The following XPO5 variants were observed in gnomAD, a reference collection of about 807,000 sequenced individuals.
XPO5 encodes exportin-5.
Under a neutral mutation model 160.6 loss-of-function variants are expected in XPO5, and 46 were observed. That is an observed-to-expected ratio of 0.29 (90% CI 0.23 to 0.37). The LOEUF (loss-of-function observed/expected upper bound fraction) is 0.37. Ranked by LOEUF, XPO5 falls within the 10% of genes least tolerant of loss-of-function variation. XPO5 has a pLI of 1.00. For synonymous variants in XPO5, 537 were observed against 519.3 expected, an observed-to-expected ratio of 1.03 and a Z score of -0.46; for missense variants, 1,090 against 1,463.9, an observed-to-expected ratio of 0.74 and a Z score of 4.17.
intron 10 of XPO5, 113 bp from the exon 11 acceptor site, chr6:43,560,416 T>C (rs1762358033): frequency 7.6e-7 from 1 of 1,319,804 alleles, no homozygotes; most frequent in African/African-American, 1.5e-5. Flanking sequence ...GTACAATACT[T>C]TGAAGCTGTC....
At position 43,525,989 on chromosome 6, in the gene XPO5, G is replaced by A. The variant is rs1233050996; in HGVS notation, c.2984-68C>T. Reference sequence around the variant, plus strand: ...CAGAGAAGAATATCTTGTTCTGACAGAAGCGCAAAAAACAAAGCAAAGCTG... The same window carrying A: ...CAGAGAAGAATATCTTGTTCTGACAAAAGCGCAAAAAACAAAGCAAAGCTG... On this transcript the variant is annotated intron_variant, in intron 27 of 31. Transcript: ENST00000265351. 29 of 1,572,298 alleles carry A rather than the reference G, an allele frequency of 1.8e-5. 1 individual carries two copies. The Middle Eastern group carries it at 5.5e-4, about 30-fold the overall frequency.
chr6:43,536,758 T>TAAAAAAAAAAAAAAAAAAAAAA (rs1156884252), intron 20 of XPO5, among the ~76,000 whole-genome samples: 2 of 19,100 alleles, frequency 1.0e-4, no homozygotes, highest in African/African-American at 4.9e-4. Flanking sequence ...AGACTCTATC[T>TAAAAAAAAAAAAAAAAAAAAAA]AAAAAAAAAA....
chr6:43,524,010 G>A lies in XPO5; in HGVS notation c.3478-5C>T. Reference sequence around the variant, plus strand: ...GAACTGCTCTCCCAAGGGTTTCTGTGGAAAACAAATGAGAAAGAATTAATG... The same window carrying A: ...GAACTGCTCTCCCAAGGGTTTCTGTAGAAAACAAATGAGAAAGAATTAATG... On this transcript the variant is annotated splice_region_variant and splice_polypyrimidine_tract_variant and intron_variant, in intron 31 of 31. Transcript: ENST00000265351. 1.2e-6 allele frequency: 2 copies of A among 1,611,502 alleles called. No individual in the cohort carries two copies. Among genetic ancestry groups the A allele is most frequent in the African/African-American group, 1.3e-5 (1 of 75,008 alleles).
intron 8 of XPO5, among the ~76,000 whole-genome samples, chr6:43,563,783 A>C (rs1409346429): frequency 6.6e-6 from 1 of 152,212 alleles, no homozygotes; most frequent in Admixed American, 6.5e-5. Context: ...ATACCTGTAG[A>C]AGGCACTTAC....
chr6:43,550,584 C>T (rs1052946301), intron 15 of XPO5, among the ~76,000 whole-genome samples: 28 of 152,210 alleles, frequency 1.8e-4, no homozygotes, highest in Admixed American at 1.8e-3. Context: ...TTCAGTAAGA[C>T]TTCACTTTTA....
At position 43,558,595 on chromosome 6, in the gene XPO5, G is replaced by C; in HGVS notation, c.1222-4C>G. 6.3e-7 allele frequency: 1 copy of C among 1,575,272 alleles called. No individual in the cohort carries two copies. The highest frequency in any genetic ancestry group is 1.4e-5 in the African/African-American group (1 of 73,968). The stretch of plus-strand genomic sequence containing the variant: ...CTGTTTTAGAAGGAAAGCCCATCTG[G>C]AAAAAGAAAGGTAATTGGGGTAGGG... On this transcript the variant is annotated splice_polypyrimidine_tract_variant and splice_region_variant and intron_variant, in intron 11 of 31. Coordinates refer to ENST00000265351, the MANE Select transcript of XPO5 (RefSeq NM_020750.3).
chr6:43,528,691 C>G, intron 24 of XPO5, 137 bp downstream of exon 24: 1 of 779,366 alleles, frequency 1.3e-6, no homozygotes. Flanking sequence ...GGATAGTCAG[C>G]TGGGGTAGAA....
At chr6:43,543,992 A>G (rs1021196719) in intron 20 of XPO5, among the ~76,000 whole-genome samples, 31 of 152,304 alleles carry the variant, frequency 2.0e-4, no homozygotes, top group Admixed American at 1.1e-3. Context: ...AATTTACTAA[A>G]AAAGCAAAAC....
At chr6:43,538,127 C>G (rs1458474430) in intron 20 of XPO5, among the ~76,000 whole-genome samples, 1 of 137,164 alleles carries the variant, frequency 7.3e-6, no homozygotes, top group Non-Finnish European at 1.5e-5. Context: ...AAATTTAGAG[C>G]CTAAGAGACA....
At chr6:43,569,526 G>C (rs1451277902) in intron 5 of XPO5, among the ~76,000 whole-genome samples, 1 of 151,998 alleles carries the variant, frequency 6.6e-6, no homozygotes, top group Non-Finnish European at 1.5e-5. Flanking sequence ...TTGAGGTCAG[G>C]AGTTCAAGAC....
chr6:43,567,538 C>G (rs2127752357), intron 6 of XPO5, among the ~76,000 whole-genome samples, 184 bp from the exon 7 acceptor site: 1 of 152,284 alleles, frequency 6.6e-6, no homozygotes, highest in East Asian at 1.9e-4. Context: ...CATCCAACAA[C>G]AAGACCATAC....
Position 43,558,560 on chromosome 6 carries a change from C to G in XPO5, c.1253G>C (p.Ser418Thr), listed in dbSNP as rs1762236964. Residue 418 changes from serine to threonine, a missense_variant, in exon 12 of 32, where the codon AGC becomes ACC. By Grantham distance (58) the Ser-to-Thr change is moderately conservative. Transcript: ENST00000265351. ...AAAATCAAACCGAGAATATTCACAG[C>G]TAGGGCTGTCTGTTTTAGAAGGAAA... is the stretch of plus-strand genomic sequence containing the variant. Reference protein sequence around the residue: ...MGFPSKTDSPSCEYSRFDFDS... With the variant: ...MGFPSKTDSPTCEYSRFDFDS... 3.7e-6 allele frequency: 6 copies of G among 1,600,486 alleles called. No homozygotes were observed. The highest frequency in any genetic ancestry group is 4.3e-6 in the Non-Finnish European group (5 of 1,173,826).
intron 29 of XPO5, 59 bp from the exon 30 acceptor site, chr6:43,525,027 C>T (rs1188654809): frequency 6.3e-7 from 1 of 1,593,030 alleles, no homozygotes; most frequent in Non-Finnish European, 8.5e-7. Flanking sequence ...CTCAGCACCC[C>T]AGTTCTTCTG....
intron 20 of XPO5, among the ~76,000 whole-genome samples, chr6:43,536,475 T>G (rs534200591): frequency 1.3e-5 from 2 of 150,422 alleles, no homozygotes; most frequent in Non-Finnish European, 3.0e-5. Context: ...AAGTTTTACT[T>G]TGGCCAGATG....
In XPO5 at chr6:43,525,220, C is replaced by T; in HGVS notation, c.3067-6G>A. 2 of 1,568,062 alleles carry T rather than the reference C, an allele frequency of 1.3e-6. No individual in the cohort carries two copies. Among genetic ancestry groups the T allele is most frequent in the Non-Finnish European group, 1.7e-6 (2 of 1,155,490 alleles). Reference sequence around the variant, plus strand: ...AATAGCGCTGTACAAACATCCTGAACAGGAAAAGATGAAGAGTTACAATGG... The same window carrying T: ...AATAGCGCTGTACAAACATCCTGAATAGGAAAAGATGAAGAGTTACAATGG... On this transcript the variant is annotated splice_region_variant and splice_polypyrimidine_tract_variant and intron_variant, in intron 28 of 31. Coordinates refer to ENST00000265351, the MANE Select transcript of XPO5 (RefSeq NM_020750.3).
At chr6:43,533,645 T>A in intron 21 of XPO5, 1 of 265,176 alleles carries the variant, frequency 3.8e-6, no homozygotes, top group Non-Finnish European at 7.6e-6. Flanking sequence ...AAGACCAGCC[T>A]GGGCAACATA....
chr6:43,567,270 C>T lies in XPO5; in HGVS notation c.733G>A (p.Ala245Thr). 6.2e-7 allele frequency: 1 copy of T among 1,613,924 alleles called. No homozygotes were observed. The highest frequency in any genetic ancestry group is 8.5e-7 in the Non-Finnish European group (1 of 1,179,884). Residue 245 changes from alanine to threonine, a missense_variant, in exon 7 of 32, where the codon GCT becomes ACT. Coordinates refer to ENST00000265351, the MANE Select transcript of XPO5 (RefSeq NM_020750.3). ...IDWVSMSHIT[A>T]ENCKLLEILC... is the part of the protein sequence containing the mutation. The stretch of plus-strand genomic sequence containing the variant: ...ATCTCCAGGAGTTTACAGTTTTCAG[C>T]AGTGATGTGACTCATAGACACCCAG...
At position 43,526,467 on chromosome 6, in the gene XPO5, G is replaced by T. The variant is rs1793596848; in HGVS notation, c.2983+218C>A. 5.2e-6 allele frequency: 3 copies of T among 580,254 alleles called. No homozygotes were observed. In the South Asian group the frequency reaches 6.1e-5, roughly 12 times the overall value. The allele number at this position is 580,254 out of a possible 1,614,324, so 35.9% of individuals were successfully genotyped here. On this transcript the variant is annotated intron_variant, in intron 27 of 31. Coordinates refer to ENST00000265351, the MANE Select transcript of XPO5 (RefSeq NM_020750.3). Reference sequence around the variant, plus strand: ...AAGCAAGAGAAAAGATCACATATATGGTTGGGAGGAAATCATCTGAGACAG... The same window carrying T: ...AAGCAAGAGAAAAGATCACATATATTGTTGGGAGGAAATCATCTGAGACAG...
chr6:43,550,072 G>A (rs554713182), intron 15 of XPO5, 138 bp from the exon 16 acceptor site: 12 of 837,826 alleles, frequency 1.4e-5, no homozygotes, highest in South Asian at 7.9e-5. Context: ...CTGGGACTAC[G>A]GGCATGAGCT....
Sources: gnomAD v4.1 joint callset for allele counts (sites outside exome capture counted in the v4.1 genomes callset) on GRCh38, gnomAD v4.1.1 for gene constraint, MANE v1.5 for transcripts, NCBI Gene and HGNC (gene_info 2026-07-23, HGNC 2026-07-21) for gene names.